MOCOS: variants seen among roughly 807,000 people sequenced by gnomAD.
The protein encoded by MOCOS is molybdenum cofactor sulfurase.
In MOCOS, 86 loss-of-function variants were observed where a neutral mutation model predicts 83.6. The ratio of observed to expected loss-of-function variants is 1.03; its 90% CI spans 0.86 to 1.23. MOCOS has a LOEUF of 1.23. MOCOS is among the 50% of genes most tolerant of loss of function. MOCOS has a pLI of 0.00. For synonymous variants in MOCOS, 445 were observed against 434.7 expected (o/e 1.02, Z -0.29); for missense variants, 1,120 against 1,126.9 (o/e 0.99, Z 0.09).
intron 11 of MOCOS, among the ~76,000 whole-genome samples, chr18:36,256,350 G>A (rs1381935620): frequency 6.6e-6 from 1 of 152,190 alleles, no homozygotes; most frequent in Non-Finnish European, 1.5e-5. Flanking sequence ...CCTATCCAGG[G>A]AAAGGATGCG....
At position 36,257,062 on chromosome 18, in the gene MOCOS, A is replaced by G. The variant is rs2091644502; in HGVS notation, c.2259A>G (p.Gln753=). 5 of 1,613,476 alleles carry G rather than the reference A, an allele frequency of 3.1e-6. No individual in the cohort carries two copies. The highest frequency in any genetic ancestry group is 2.2e-5 in the East Asian group (1 of 44,882). Residue 753 remains glutamine (Q), a synonymous_variant, in exon 12 of 15, where the codon CAA becomes CAG. Transcript: ENST00000261326. The part of the protein sequence containing the change: ...NTSSILELHR[Q]LNTSDENGKE... ...CCAGTATTTTGGAACTTCACCGGCA[A>G]CTAAACACCAGGTAAGACCTCATAC...
intron 7 of MOCOS, 27 bp downstream of exon 7, chr18:36,213,509 C>T (rs373810351): frequency 5.4e-5 from 86 of 1,581,016 alleles, no homozygotes; most frequent in African/African-American, 5.4e-4. Flanking sequence ...GCGATCCAGA[C>T]GCTGGTCAGC....
chr18:36,206,844 A>G (rs993078205), intron 6 of MOCOS, among the ~76,000 whole-genome samples: 3 of 152,170 alleles, frequency 2.0e-5, no homozygotes. Flanking sequence ...GTAGTATCCC[A>G]GGGTGTAAAT....
intron 9 of MOCOS, among the ~76,000 whole-genome samples, chr18:36,248,377 C>T (rs1052848180): frequency 2.0e-5 from 3 of 152,002 alleles, no homozygotes; most frequent in Admixed American, 6.6e-5. Context: ...GCAAACATTT[C>T]CTCTCATTCT....
At chr18:36,187,895 T>A (rs979388849) in intron 1 of MOCOS, among the ~76,000 whole-genome samples, 1 of 152,200 alleles carries the variant, frequency 6.6e-6, no homozygotes, top group African/African-American at 2.4e-5. Context: ...CTTCCGACTT[T>A]CCGGTGGGCA....
intron 4 of MOCOS, among the ~76,000 whole-genome samples, chr18:36,200,795 G>A (rs957687957): frequency 6.6e-6 from 1 of 152,182 alleles, no homozygotes; most frequent in Non-Finnish European, 1.5e-5. Flanking sequence ...GCTCAGCCTG[G>A]CACCTAGTTA....
In MOCOS at chr18:36,199,864, G is replaced by A. The variant is rs373341737; in HGVS notation, c.481G>A (p.Val161Met). 21 of 1,613,818 alleles carry A rather than the reference G, an allele frequency of 1.3e-5. No individual in the cohort carries two copies. The highest frequency in any genetic ancestry group is 1.5e-5 in the Non-Finnish European group (18 of 1,179,900). ...SHTSVVGMRN[V>M]TMAINVISTP... ...CACCTCCGTAGTGGGTATGCGGAAC[G>A]TGACCATGGCTATAAATGTCATATC... Residue 161 changes from valine (V) to methionine (M), a missense_variant, in exon 4 of 15, where the codon GTG (valine) becomes ATG (methionine). Val to Met is a conservative substitution (Grantham distance 21). Coordinates refer to ENST00000261326, the MANE Select transcript of MOCOS (RefSeq NM_017947.4).
Position 36,213,363 on chromosome 18 carries a change from C to T in MOCOS, c.1219-3C>T, listed in dbSNP as rs202218762. 28 of 1,612,906 alleles carry T rather than the reference C, an allele frequency of 1.7e-5. No individual in the cohort carries two copies. In the East Asian group the frequency reaches 5.6e-4, roughly 32 times the overall value. Reference sequence around the variant, plus strand: ...CTCATTCCATGTTACATTAAATCCGCAGGTGGACAAAATGGCCAGTCTTTA... The same window carrying T: ...CTCATTCCATGTTACATTAAATCCGTAGGTGGACAAAATGGCCAGTCTTTA... On this transcript the variant is annotated splice_region_variant and splice_polypyrimidine_tract_variant and intron_variant, in intron 6 of 14. Coordinates refer to ENST00000261326, the MANE Select transcript of MOCOS (RefSeq NM_017947.4).
intron 4 of MOCOS, among the ~76,000 whole-genome samples, chr18:36,202,689 A>T (rs1429524500): frequency 1.3e-5 from 2 of 152,204 alleles, no homozygotes; most frequent in Non-Finnish European, 2.9e-5. Context: ...ACTACCCAAG[A>T]CTGGGTAATT....
intron 13 of MOCOS, among the ~76,000 whole-genome samples, chr18:36,265,045 G>T (rs12455272): frequency 0.23 from 35,057 of 152,106 alleles, 4,227 homozygotes; most frequent in Admixed American, 0.25. Context: ...CAAAAATAAA[G>T]TCATACAAGC....
At chr18:36,193,033 C>T (rs962604599) in intron 1 of MOCOS, among the ~76,000 whole-genome samples, 36 of 151,860 alleles carry the variant, frequency 2.4e-4, no homozygotes, top group African/African-American at 8.7e-4. Flanking sequence ...CAGAATGGGC[C>T]GGGCGCGGTG....
intron 1 of MOCOS, among the ~76,000 whole-genome samples, chr18:36,192,629 T>A (rs1443096519): frequency 6.6e-6 from 1 of 152,154 alleles, no homozygotes; most frequent in African/African-American, 2.4e-5. Context: ...TGCAAGTGAC[T>A]CAGAATAGCC....
At chr18:36,240,859 G>GA (rs1022659305) in intron 9 of MOCOS, among the ~76,000 whole-genome samples, 10 of 152,204 alleles carry the variant, frequency 6.6e-5, no homozygotes, top group African/African-American at 2.2e-4. Flanking sequence ...AAGCCCATCG[G>GA]AAAAGCGCAG....
chr18:36,249,875 A>T (rs2091615585), intron 10 of MOCOS, among the ~76,000 whole-genome samples: 3 of 151,984 alleles, frequency 2.0e-5, no homozygotes, highest in Admixed American at 1.3e-4. Flanking sequence ...CACAGATTAT[A>T]TACCCATATT....
chr18:36,194,789 G>C (rs1040089408), intron 1 of MOCOS, among the ~76,000 whole-genome samples: 1 of 152,212 alleles, frequency 6.6e-6, no homozygotes, highest in Non-Finnish European at 1.5e-5. Context: ...TTCTCTCAGA[G>C]AGAGGTTGGA....
chr18:36,254,466 G>C lies in MOCOS; in HGVS notation c.2165-2502G>C, dbSNP rs1286210729. ...TACAAAATACATTATCTCTGTGTGT[G>C]TGTGTGTGTGTGTGTGTGTGTGTGT... On this transcript the variant is annotated intron_variant, in intron 11 of 14. Coordinates refer to ENST00000261326, the MANE Select transcript of MOCOS (RefSeq NM_017947.4). Among the ~76,000 whole-genome samples the C allele has an allele frequency of 2.1e-3, 234 of 111,708 alleles. 6 individuals carry two copies. The East Asian group carries it at 0.042, about 20-fold the overall frequency. The allele number at this position is 111,708 out of a possible 152,430, so 73.3% of individuals were successfully genotyped here.
intron 9 of MOCOS, among the ~76,000 whole-genome samples, chr18:36,237,631 A>G (rs1367504051): frequency 1.3e-5 from 2 of 151,968 alleles, no homozygotes; most frequent in African/African-American, 4.8e-5. Context: ...TGGTATCAGA[A>G]TGATGCTGGC....
chr18:36,264,617 G>A lies in MOCOS; in HGVS notation c.2410-2132G>A, dbSNP rs542397545. ...CAGCCAAGAATCTAGACAAGGAAAC[G>A]ATATCTGGAGAGGTCACAGGTTTGC... is the stretch of plus-strand genomic sequence containing the variant. On this transcript the variant is annotated intron_variant, in intron 13 of 14. Coordinates refer to ENST00000261326, the MANE Select transcript of MOCOS (RefSeq NM_017947.4). Among the ~76,000 whole-genome samples the A allele has an allele frequency of 1.9e-3, 287 of 152,272 alleles. 1 individual carries two copies. Among genetic ancestry groups the A allele is most frequent in the African/African-American group, 6.7e-3 (279 of 41,556 alleles).
intron 1 of MOCOS, among the ~76,000 whole-genome samples, chr18:36,188,964 C>T (rs951821151): frequency 6.6e-6 from 1 of 151,438 alleles, no homozygotes; most frequent in Non-Finnish European, 1.5e-5. Context: ...AAATTTCCTA[C>T]CACTCAGAAA....
Sources: allele counts gnomAD v4.1 joint callset (sites outside exome capture counted in the v4.1 genomes callset), GRCh38; gene constraint gnomAD v4.1.1; transcripts MANE v1.5; gene names NCBI Gene and HGNC (gene_info 2026-07-23, HGNC 2026-07-21).